Variants in KIAA1217 observed in about 807,000 individuals in gnomAD.
KIAA1217 encodes the protein sickle tail protein homolog.
A neutral mutation model predicts 163.9 loss-of-function variants in KIAA1217; 88 were observed. The ratio of observed to expected loss-of-function variants is 0.54; its 90% CI spans 0.45 to 0.64. The LOEUF is 0.64. Ranked by LOEUF, KIAA1217 falls within the 30% of genes least tolerant of loss-of-function variation. The pLI, the probability that KIAA1217 is intolerant of heterozygous loss-of-function variation, is 0.00. For missense variants in KIAA1217, 2,372 were observed against 2,475.0 expected (o/e 0.96, Z 0.88); for synonymous variants, 903 against 923.1 (o/e 0.98, Z 0.39).
intron 2 of KIAA1217, among the ~76,000 whole-genome samples, chr10:24,033,475 G>A (rs1264294790): frequency 6.6e-6 from 1 of 152,178 alleles, no homozygotes; most frequent in Non-Finnish European, 1.5e-5. Flanking sequence ...CCTTGCTCCT[G>A]TTCCCACTGT....
intron 6 of KIAA1217, among the ~76,000 whole-genome samples, chr10:24,485,921 A>G (rs2065336316): frequency 6.6e-6 from 1 of 152,196 alleles, no homozygotes; most frequent in Non-Finnish European, 1.5e-5. Context: ...GCCCAAAAAT[A>G]AAGTCCTATC....
chr10:24,463,700 A>G (rs1453555018), intron 5 of KIAA1217, among the ~76,000 whole-genome samples: 1 of 152,252 alleles, frequency 6.6e-6, no homozygotes, highest in Non-Finnish European at 1.5e-5. Flanking sequence ...AGGAATGAAT[A>G]TGTGTCACAA....
chr10:24,421,804 A>G (rs1417133235), intron 3 of KIAA1217, among the ~76,000 whole-genome samples: 1 of 152,202 alleles, frequency 6.6e-6, no homozygotes, highest in Non-Finnish European at 1.5e-5. Context: ...CCAGCCTTAC[A>G]TTCCTGAGAT....
chr10:24,473,406 G>T lies in KIAA1217; in HGVS notation c.1025G>T (p.Gly342Val), dbSNP rs997994555. 6.2e-7 allele frequency: 1 copy of T among 1,613,650 alleles called. No individual in the cohort carries two copies. Among genetic ancestry groups the T allele is most frequent in the Non-Finnish European group, 8.5e-7 (1 of 1,179,880 alleles). Reference sequence around the variant, plus strand: ...GGCACCCGCTCCATGGTTGTTCCTGGCAATGCCACCATCCCCAGGGACAGA... The same window carrying T: ...GGCACCCGCTCCATGGTTGTTCCTGTCAATGCCACCATCCCCAGGGACAGA... ...YGGTRSMVVP[G>V]NATIPRDRIS... The change falls in exon 6 of 21, where the codon GGC becomes GTC. Residue 342 changes from glycine (G) to valine (V), a missense_variant. Gly to Val is a moderately radical substitution (Grantham distance 109, BLOSUM62 -3). Coordinates refer to ENST00000376454, the MANE Select transcript of KIAA1217 (RefSeq NM_019590.5).
chr10:24,267,002 A>G (rs2076300009), intron 2 of KIAA1217, among the ~76,000 whole-genome samples: 1 of 152,186 alleles, frequency 6.6e-6, no homozygotes, highest in Admixed American at 6.5e-5. Context: ...AAGGAACCAG[A>G]CACAGTGCCA....
chr10:23,884,423 C>A (rs186308814), intron 1 of KIAA1217, among the ~76,000 whole-genome samples: 1 of 151,860 alleles, frequency 6.6e-6, no homozygotes, highest in Non-Finnish European at 1.5e-5. Context: ...AAGGATGTTG[C>A]GGATGTCCAG....
chr10:23,796,991 C>T (rs576405523), intron 1 of KIAA1217, among the ~76,000 whole-genome samples: 3 of 152,146 alleles, frequency 2.0e-5, no homozygotes, highest in Non-Finnish European at 2.9e-5. Context: ...GTAGCTGTGA[C>T]TCAAGGCAGT....
At chr10:24,186,413 A>G (rs776682760) in intron 2 of KIAA1217, among the ~76,000 whole-genome samples, 4 of 152,144 alleles carry the variant, frequency 2.6e-5, no homozygotes, top group African/African-American at 7.2e-5. Flanking sequence ...GTCACTTACT[A>G]TTTGATCTGT....
chr10:24,297,879 G>A (rs1052622224), intron 2 of KIAA1217, among the ~76,000 whole-genome samples: 5 of 151,814 alleles, frequency 3.3e-5, no homozygotes, highest in African/African-American at 1.2e-4. Flanking sequence ...AAGCTAGTAG[G>A]GGAACAAAGT....
intron 2 of KIAA1217, among the ~76,000 whole-genome samples, chr10:24,324,017 A>T (rs1304730277): frequency 6.6e-6 from 1 of 152,146 alleles, no homozygotes; most frequent in Admixed American, 6.5e-5. Flanking sequence ...CTGTAATCCC[A>T]GCAATTTGGG....
chr10:24,319,099 C>T (rs1452549873), intron 2 of KIAA1217, among the ~76,000 whole-genome samples: 2 of 152,038 alleles, frequency 1.3e-5, no homozygotes, highest in East Asian at 3.9e-4. Flanking sequence ...GCTTTGGGGC[C>T]GGGCGTGGTG....
At chr10:23,758,830 G>A (rs1048487681) in intron 1 of KIAA1217, among the ~76,000 whole-genome samples, 8 of 151,322 alleles carry the variant, frequency 5.3e-5, no homozygotes, top group Admixed American at 1.3e-4. Context: ...GGGATTACAC[G>A]TGTGTGCTAC....
At chr10:24,002,917 C>G (rs1183357318) in intron 1 of KIAA1217, among the ~76,000 whole-genome samples, 2 of 152,162 alleles carry the variant, frequency 1.3e-5, no homozygotes, top group Non-Finnish European at 2.9e-5. Context: ...ATTTTCCATT[C>G]CTGAGTTACT....
intron 2 of KIAA1217, among the ~76,000 whole-genome samples, chr10:24,312,819 G>A (rs945228628): frequency 6.6e-6 from 1 of 152,080 alleles, no homozygotes; most frequent in Non-Finnish European, 1.5e-5. Context: ...GGAGGCTGAG[G>A]TGGGAGGATC....
chr10:24,532,308 A>AG (rs1323003615), intron 15 of KIAA1217, among the ~76,000 whole-genome samples: 3 of 152,366 alleles, frequency 2.0e-5, no homozygotes, highest in Non-Finnish European at 2.9e-5. Context: ...TATCTTCCAA[A>AG]GGTAACTGAG....
intron 2 of KIAA1217, among the ~76,000 whole-genome samples, chr10:24,179,106 A>C (rs1256909486): frequency 6.6e-6 from 1 of 152,248 alleles, no homozygotes; most frequent in Non-Finnish European, 1.5e-5. Context: ...TGCCTCACAG[A>C]AAAGAAGTAA....
At chr10:23,869,915 C>A (rs752315020) in intron 1 of KIAA1217, among the ~76,000 whole-genome samples, 4 of 152,086 alleles carry the variant, frequency 2.6e-5, no homozygotes, top group African/African-American at 7.2e-5. Flanking sequence ...GAAAGGAATT[C>A]TTCCTTAAAT....
intron 2 of KIAA1217, among the ~76,000 whole-genome samples, chr10:24,082,047 G>C (rs576130622): frequency 6.6e-6 from 1 of 152,270 alleles, no homozygotes; most frequent in South Asian, 2.1e-4. Flanking sequence ...GTCGCTGGAG[G>C]TTGTAAGGGA....
chr10:23,960,425 T>A (rs34361421), intron 1 of KIAA1217, among the ~76,000 whole-genome samples: 28,852 of 151,986 alleles, frequency 0.19, 3,046 homozygotes, highest in Middle Eastern at 0.27. Context: ...ACCTGGCTAA[T>A]TTTGTATTTT....
Sources: allele counts gnomAD v4.1 joint callset (sites outside exome capture counted in the v4.1 genomes callset), GRCh38; gene constraint gnomAD v4.1.1; transcripts MANE v1.5; gene names NCBI Gene and HGNC (gene_info 2026-07-23, HGNC 2026-07-21).